The following SYT7 variants were observed in gnomAD, a reference collection of about 807,000 sequenced individuals.
SYT7 encodes synaptotagmin 7, also known as synaptotagmin-7.
In SYT7, 29 loss-of-function variants were observed where a neutral mutation model predicts 75.1. The ratio of observed to expected loss-of-function variants is 0.39; its 90% CI spans 0.29 to 0.53. The LOEUF (loss-of-function observed/expected upper bound fraction) is 0.53, where lower values mean the gene tolerates loss of function less well. SYT7 is among the 20% of genes least tolerant of loss of function. The probability of loss-of-function intolerance (pLI) is 0.77; values close to 1 mark genes in which losing one functional copy is unlikely to be tolerated. For missense variants in SYT7, 693 were observed against 953.2 expected (o/e 0.73, Z 3.59); for synonymous variants, 376 against 401.7 (o/e 0.94, Z 0.76).
In SYT7 at chr11:61,517,696, C is replaced by A. The variant is rs1025503557; in HGVS notation, c.*931G>T. The stretch of plus-strand genomic sequence containing the variant: ...GGGCAAAGCTAGTCGGGGCTCGGGA[C>A]CCCCTGAGAAGGAAGGGAGATGAGT... On this transcript the variant is annotated 3_prime_UTR_variant, in exon 13 of 13. Coordinates refer to ENST00000539008, the MANE Select transcript of SYT7 (RefSeq NM_001365809.2). 3 of 397,762 alleles carry A rather than the reference C, an allele frequency of 7.5e-6. No homozygotes were observed. The Admixed American group carries it at 1.3e-4, about 18-fold the overall frequency. The allele number at this position is 397,762 out of a possible 1,614,324, so 24.6% of individuals were successfully genotyped here. A position where few individuals can be genotyped will look rare whatever the true frequency, so the allele number is the denominator to read the frequency against.
intron 1 of SYT7, among the ~76,000 whole-genome samples, chr11:61,575,738 C>T (rs945788016): frequency 2.0e-5 from 3 of 152,166 alleles, no homozygotes; most frequent in Admixed American, 6.5e-5. Context: ...TAGCTCCCCA[C>T]GCACCTCAAC....
intron 6 of SYT7, among the ~76,000 whole-genome samples, chr11:61,539,328 A>G (rs539411921): frequency 6.6e-6 from 1 of 152,082 alleles, no homozygotes; most frequent in East Asian, 1.9e-4. Flanking sequence ...TTCTCAGAGA[A>G]CCATCGGGCA....
intron 9 of SYT7, among the ~76,000 whole-genome samples, chr11:61,525,115 C>G (rs2062472052): frequency 1.3e-5 from 2 of 152,224 alleles, no homozygotes; most frequent in Admixed American, 6.5e-5. Context: ...TCTACTGCCA[C>G]CTCCCTCATC....
At chr11:61,578,328 G>T (rs1465677813) in intron 1 of SYT7, among the ~76,000 whole-genome samples, 1 of 152,090 alleles carries the variant, frequency 6.6e-6, no homozygotes, top group Non-Finnish European at 1.5e-5. Context: ...GGGATCTTCT[G>T]GAACCAGCAT....
At chr11:61,548,231 C>T (rs2063247931) in intron 3 of SYT7, among the ~76,000 whole-genome samples, 1 of 152,226 alleles carries the variant, frequency 6.6e-6, no homozygotes, top group African/African-American at 2.4e-5. Context: ...GGGAACCTGT[C>T]CTTCTCTGGG....
At chr11:61,538,900 C>T (rs1229589756) in intron 6 of SYT7, among the ~76,000 whole-genome samples, 1 of 152,212 alleles carries the variant, frequency 6.6e-6, no homozygotes, top group African/African-American at 2.4e-5. Flanking sequence ...GTCCTTGAAG[C>T]CAGGTAGGGT....
Position 61,523,315 on chromosome 11 carries a change from G to T in SYT7, c.1757-41C>A, listed in dbSNP as rs1333786933. On this transcript the variant is annotated intron_variant, in intron 11 of 12. Coordinates refer to ENST00000539008, the MANE Select transcript of SYT7 (RefSeq NM_001365809.2). The surrounding 1 kb of genome is among the most constrained non-coding windows in gnomAD (Gnocchi z 5.0). ...GGGAAGGGTTAGAGGGACCGTGGGG[G>T]AGGGACTTCCTAGGATCCTTTTCCC... The T allele has an allele frequency of 6.3e-7, 1 of 1,582,060 alleles. No homozygotes were observed. Among genetic ancestry groups the T allele is most frequent in the Non-Finnish European group, 8.7e-7 (1 of 1,151,582 alleles).
chr11:61,567,343 G>GCTCCC (rs113744190), intron 1 of SYT7, among the ~76,000 whole-genome samples: 1 of 150,638 alleles, frequency 6.6e-6, no homozygotes, highest in African/African-American at 2.5e-5. Flanking sequence ...TGAGCGCCCC[G>GCTCCC]CCCCCCAGAG....
At position 61,533,046 on chromosome 11, in the gene SYT7, G is replaced by C; in HGVS notation, c.1143C>G (p.Thr381=). The change falls in exon 8 of 13, where the codon ACC becomes ACG. Residue 381 remains threonine, a synonymous_variant. Transcript: ENST00000539008. ...GGTCTGAGACGGAGGAACGTGGCTCGGTCCGGCGGTCGGACTCATCGTGGG... is the reference window on the plus strand; with the variant it reads ...GGTCTGAGACGGAGGAACGTGGCTCCGTCCGGCGGTCGGACTCATCGTGGG... ...QTPHDESDRR[T]EPRSSVSDLV... is the part of the protein sequence containing the mutation. 3 of 1,613,446 alleles carry C rather than the reference G, an allele frequency of 1.9e-6. No homozygotes were observed. The highest frequency in any genetic ancestry group is 2.5e-6 in the Non-Finnish European group (3 of 1,179,994).
At chr11:61,531,093 G>A in intron 8 of SYT7, 2 of 985,428 alleles carry the variant, frequency 2.0e-6, no homozygotes, top group Non-Finnish European at 1.2e-6. Flanking sequence ...ACAGCCCAGG[G>A]TCCAGAGACC....
intron 1 of SYT7, among the ~76,000 whole-genome samples, chr11:61,568,971 G>T (rs994474527): frequency 6.6e-6 from 1 of 152,198 alleles, no homozygotes; most frequent in Non-Finnish European, 1.5e-5. Context: ...AGGCAAAGAC[G>T]GTGGGACACC....
rs2064237984 is a variant in SYT7 at position 61,580,726 on chromosome 11, T to C, written c.31+64A>G. On this transcript the variant is annotated intron_variant, in intron 1 of 12. Coordinates refer to ENST00000539008, the MANE Select transcript of SYT7 (RefSeq NM_001365809.2). This position sits in a 1 kb window ranked among gnomAD's most constrained non-coding sequence, Gnocchi z 6.1. ...CCCAGGCTGGGGCTCCGAGACGGCGTCCGGCGCTGCCGCTGTCCTGCCCGC... is the reference window on the plus strand; with the variant it reads ...CCCAGGCTGGGGCTCCGAGACGGCGCCCGGCGCTGCCGCTGTCCTGCCCGC... 2.7e-6 allele frequency: 3 copies of C among 1,107,996 alleles called. No individual in the cohort carries two copies. The highest frequency in any genetic ancestry group is 4.4e-5 in the Admixed American group (1 of 22,494). 68.6% of individuals were successfully genotyped at this position (1,107,996 alleles called of 1,614,324 possible). A position where few individuals can be genotyped will look rare whatever the true frequency, so the allele number is the denominator to read the frequency against.
chr11:61,547,050 A>C, intron 4 of SYT7, 127 bp downstream of exon 4: 24 of 1,158,832 alleles, frequency 2.1e-5, no homozygotes, highest in African/African-American at 3.2e-5. Flanking sequence ...TGGGTGGGGA[A>C]GTTGGGGGAC....
chr11:61,535,764 G>A (rs1165540142), intron 7 of SYT7, among the ~76,000 whole-genome samples: 1 of 152,188 alleles, frequency 6.6e-6, no homozygotes, highest in Non-Finnish European at 1.5e-5. Context: ...AGACCAAGGG[G>A]GCTGAGTGTC....
intron 7 of SYT7, 80 bp from the exon 8 acceptor site, chr11:61,533,204 C>A: frequency 2.0e-6 from 3 of 1,493,196 alleles, no homozygotes; most frequent in Non-Finnish European, 2.7e-6. Context: ...GTGGCAGGAC[C>A]TTCTCTGAAG....
chr11:61,582,117 GC>G (rs1264095193), upstream of SYT7, among the ~76,000 whole-genome samples: 1 of 146,970 alleles, frequency 6.8e-6, no homozygotes, highest in Non-Finnish European at 1.5e-5. Context: ...CAGACATGAT[GC>G]CCCCCACACA....
chr11:61,585,672 G>A (rs957593159), upstream of SYT7, among the ~76,000 whole-genome samples: 2 of 152,160 alleles, frequency 1.3e-5, no homozygotes, highest in Admixed American at 1.3e-4. Flanking sequence ...ATCAATACTT[G>A]CTGATCTATT....
Position 61,517,645 on chromosome 11 carries a change from C to T in SYT7, c.*982G>A, listed in dbSNP as rs558489981. ...CTGCGTATGAGGTGTGGGAAGCTGG[C>T]GGGGGGTCTTTTGATGAAGGAGTTA... On this transcript the variant is annotated 3_prime_UTR_variant, in exon 13 of 13. Coordinates refer to ENST00000539008, the MANE Select transcript of SYT7 (RefSeq NM_001365809.2). 23 of 398,628 alleles carry T rather than the reference C, an allele frequency of 5.8e-5. No individual in the cohort carries two copies. Among genetic ancestry groups the T allele is most frequent in the Middle Eastern group, 6.3e-4 (1 of 1,592 alleles). The allele number at this position is 398,628 out of a possible 1,614,324, so 24.7% of individuals were successfully genotyped here. A position where few individuals can be genotyped will look rare whatever the true frequency, so the allele number is the denominator to read the frequency against.
At chr11:61,525,348 A>G (rs920076059) in intron 9 of SYT7, among the ~76,000 whole-genome samples, 3 of 151,978 alleles carry the variant, frequency 2.0e-5, no homozygotes, top group African/African-American at 2.4e-5. Flanking sequence ...TCCTTCCACA[A>G]TTTGGCCCGG....
Sources: allele counts gnomAD v4.1 joint callset (sites outside exome capture counted in the v4.1 genomes callset), GRCh38; gene constraint gnomAD v4.1.1; non-coding constraint Gnocchi (gnomAD v3.1); transcripts MANE v1.5; gene names NCBI Gene and HGNC (gene_info 2026-07-23, HGNC 2026-07-21).